AAAS: variants seen among roughly 807,000 people sequenced by gnomAD.
AAAS encodes the protein aladin.
Under a neutral mutation model 75.6 loss-of-function variants are expected in AAAS, and 60 were observed. The observed-to-expected ratio is 0.79, with a 90% CI of 0.64 to 0.98. The LOEUF is 0.98. Ranked by LOEUF, AAAS falls within the 50% of genes least tolerant of loss-of-function variation. The probability of loss-of-function intolerance (pLI) is 0.00; values close to 1 mark genes in which losing one functional copy is unlikely to be tolerated. For missense variants in AAAS, 658 were observed against 686.9 expected, an observed-to-expected ratio of 0.96 and a Z score of 0.47; for synonymous variants, 271 against 265.0, an observed-to-expected ratio of 1.02 and a Z score of -0.22.
intron 2 of AAAS, 100 bp from the exon 3 acceptor site, chr12:53,315,882 C>T: frequency 2.2e-6 from 3 of 1,363,156 alleles, no homozygotes; most frequent in South Asian, 2.5e-5. Context: ...AATATGGGCA[C>T]TCACATTTAA....
intron 2 of AAAS, 50 bp from the exon 3 acceptor site, chr12:53,315,832 C>G: frequency 6.3e-7 from 1 of 1,591,260 alleles, no homozygotes; most frequent in Non-Finnish European, 8.6e-7. Flanking sequence ...CCCTCTGTCC[C>G]TCTCTACCAG....
rs766105926 is a variant in AAAS, at chr12:53,307,661, T to C, written c.1469A>G (p.Gln490Arg). 1 of 1,614,132 alleles carries C rather than the reference T, an allele frequency of 6.2e-7. No individual in the cohort carries two copies. Among genetic ancestry groups the C allele is most frequent in the Non-Finnish European group, 8.5e-7 (1 of 1,180,034 alleles). The change falls in exon 16 of 16, where the codon CAG becomes CGG. Residue 490 changes from glutamine (Q) to arginine (R), a missense_variant. By Grantham distance (43) the Gln-to-Arg change is conservative. Transcript: ENST00000209873. ...AAGCACTGGGCTAAAACGTGGAAAC[T>C]GGGCATTGACAAAGTACAGCGGGAT... The part of the protein sequence containing the change: ...AHIPLYFVNA[Q>R]FPRFSPVLGR...
Position 53,315,078 on chromosome 12 carries a change from G to A in AAAS, c.446+16C>T, listed in dbSNP as rs374795194. ...AGGACTTCCTTTCCACAAAGCTCCAGGGCTTGTGCACTCACCAATTTGTGA... is the reference window on the plus strand; with the variant it reads ...AGGACTTCCTTTCCACAAAGCTCCAAGGCTTGTGCACTCACCAATTTGTGA... On this transcript the variant is annotated intron_variant, in intron 5 of 15. Coordinates refer to ENST00000209873, the MANE Select transcript of AAAS (RefSeq NM_015665.6). The A allele has an allele frequency of 1.8e-5, 29 of 1,613,988 alleles. No individual in the cohort carries two copies. The East Asian group carries it at 4.5e-4, about 25-fold the overall frequency.
chr12:53,308,473 C>T lies in AAAS; in HGVS notation c.1143G>A (p.Leu381=). 1 of 1,614,178 alleles carries T rather than the reference C, an allele frequency of 6.2e-7. No individual in the cohort carries two copies. The highest frequency in any genetic ancestry group is 8.5e-7 in the Non-Finnish European group (1 of 1,180,024). ...GAKSATIVAD[L]SETTIQTPDG... ...CTGGTGTCTGTATTGTTGTCTCAGA[C>T]AGATCTGCCACAATCGTTGCTGACT... Residue 381 remains leucine (L), a synonymous_variant, in exon 12 of 16, where the codon CTG becomes CTA. Transcript: ENST00000209873.
chr12:53,314,328 C>T lies in AAAS; in HGVS notation c.659G>A (p.Trp220Ter). The T allele has an allele frequency of 6.2e-7, 1 of 1,614,098 alleles. No individual in the cohort carries two copies. Among genetic ancestry groups the T allele is most frequent in the Non-Finnish European group, 8.5e-7 (1 of 1,180,014 alleles). ...AVACQSCILI[W>*]TLDPTSLSTR... ...AGACAAGGAGGTAGGGTCCAGGGTCCAGATAAGAATGCAGCTCTGGCAGGC... is the reference window on the plus strand; with the variant it reads ...AGACAAGGAGGTAGGGTCCAGGGTCTAGATAAGAATGCAGCTCTGGCAGGC... Residue 220 changes from tryptophan to a stop codon, truncating the protein, a stop_gained, in exon 7 of 16, where the codon TGG becomes TAG. Coordinates refer to ENST00000209873, the MANE Select transcript of AAAS (RefSeq NM_015665.6). LOFTEE classifies it high-confidence loss of function.
intron 2 of AAAS, among the ~76,000 whole-genome samples, chr12:53,318,056 T>C (rs546801832): frequency 6.6e-6 from 1 of 152,258 alleles, no homozygotes; most frequent in Admixed American, 6.5e-5. Context: ...TGAGACAGGG[T>C]CTTGCTCTGT....
At chr12:53,319,477 C>T (rs1474470030) in intron 2 of AAAS, among the ~76,000 whole-genome samples, 1 of 152,130 alleles carries the variant, frequency 6.6e-6, no homozygotes, top group African/African-American at 2.4e-5. Context: ...GGATTATAGG[C>T]GTGAGTCACT....
intron 2 of AAAS, among the ~76,000 whole-genome samples, chr12:53,319,240 T>C (rs1944514440): frequency 6.6e-6 from 1 of 151,840 alleles, no homozygotes; most frequent in South Asian, 2.1e-4. Context: ...TCAGTGCCAC[T>C]GCACTGGCAC....
At chr12:53,310,593 C>T (rs946713374) in intron 7 of AAAS, among the ~76,000 whole-genome samples, 1 of 151,962 alleles carries the variant, frequency 6.6e-6, no homozygotes, top group Non-Finnish European at 1.5e-5. Flanking sequence ...GCATGTGGCT[C>T]GGCCTCCATC....
chr12:53,316,988 A>T (rs1182855440), intron 2 of AAAS, among the ~76,000 whole-genome samples: 1 of 148,964 alleles, frequency 6.7e-6, no homozygotes, highest in African/African-American at 2.5e-5. Flanking sequence ...GAGGCTGAGG[A>T]AGGAGCATCA....
chr12:53,315,996 C>T (rs1218265572), intron 2 of AAAS, among the ~76,000 whole-genome samples: 1 of 152,208 alleles, frequency 6.6e-6, no homozygotes, highest in African/African-American at 2.4e-5. Context: ...ACAACCAAGG[C>T]TCAGAGGACT....
At chr12:53,320,438 G>T (rs1944534998) in intron 2 of AAAS, 127 bp downstream of exon 2, 1 of 1,307,436 alleles carries the variant, frequency 7.6e-7, no homozygotes, top group South Asian at 1.2e-5. Flanking sequence ...TATGATTTAG[G>T]ATATACAGCT....
chr12:53,320,557 T>C lies in AAAS; in HGVS notation c.251+8A>G. On this transcript the variant is annotated splice_region_variant and intron_variant, in intron 2 of 15. Transcript: ENST00000209873. The stretch of plus-strand genomic sequence containing the variant: ...CTGTGACCCAGGAAACCCTTTGCCA[T>C]GCCTCACCAAATGTTGATGCATCTC... 1 of 1,613,702 alleles carries C rather than the reference T, an allele frequency of 6.2e-7. No individual in the cohort carries two copies. The highest frequency in any genetic ancestry group is 8.5e-7 in the Non-Finnish European group (1 of 1,179,944).
rs1432130090 is a variant in AAAS at position 53,309,605 on chromosome 12, A to C, written c.806T>G (p.Ile269Ser). 1 of 1,613,654 alleles carries C rather than the reference A, an allele frequency of 6.2e-7. No homozygotes were observed. The highest frequency in any genetic ancestry group is 8.5e-7 in the Non-Finnish European group (1 of 1,179,922). The change falls in exon 8 of 16, where the codon ATC becomes AGC. Residue 269 changes from isoleucine to serine, a missense_variant. Ile to Ser is a moderately radical substitution (Grantham distance 142). Coordinates refer to ENST00000209873, the MANE Select transcript of AAAS (RefSeq NM_015665.6). ...LLSASPVDAA[I>S]RVWDVSTETC... ...GAGGGGCAGGGACCCACTCACCCGG[A>C]TAGCAGCATCCACGGGTGAAGCTGA...
At position 53,307,518 on chromosome 12, in the gene AAAS, G is replaced by GA. The variant is rs768091603; in HGVS notation, c.1611dup (p.Leu538SerfsTer?). The GA allele has an allele frequency of 6.2e-7, 1 of 1,614,094 alleles. No homozygotes were observed. The highest frequency in any genetic ancestry group is 2.2e-5 in the East Asian group (1 of 44,886). On this transcript the variant is annotated frameshift_variant, in exon 16 of 16. Coordinates refer to ENST00000209873, the MANE Select transcript of AAAS (RefSeq NM_015665.6). LOFTEE classifies it high-confidence loss of function. ...AGGTGGGAATGTGGGGAGTGGGGCA[G>GA]AACAGGTGGTGGCCCTGGGAGAGGG...
Position 53,309,233 on chromosome 12 carries a change from C to A in AAAS, c.859G>T (p.Gly287Ter). 2 of 1,614,114 alleles carry A rather than the reference C, an allele frequency of 1.2e-6. No homozygotes were observed. The highest frequency in any genetic ancestry group is 1.7e-6 in the Non-Finnish European group (2 of 1,180,012). Residue 287 changes from glycine (G) to a stop codon, truncating the protein, a stop_gained, in exon 9 of 16, where the codon GGA (glycine) becomes TGA (stop). Transcript: ENST00000209873. LOFTEE classifies it high-confidence loss of function. ...CAGAGCAGGTTGGTCACCCCACCTC[C>A]TCGGAACCAGGGAAGGGGGACACAG... ...ETCVPLPWFR[G>*]GGVTNLLWSP... is the part of the protein sequence containing the mutation.
chr12:53,321,307 ATGCC>A (rs1944551017), intron 1 of AAAS, 32 bp downstream of exon 1: 1 of 1,603,052 alleles, frequency 6.2e-7, no homozygotes, highest in Non-Finnish European at 8.5e-7. Context: ...CTCCGCCCCC[ATGCC>A]TGTAGGTCCC....
rs1197751964 is a variant in AAAS, at chr12:53,320,574, A to G, written c.242T>C (p.Ile81Thr). Residue 81 changes from isoleucine (I) to threonine (T), a missense_variant, in exon 2 of 16, where the codon ATC becomes ACC. Physicochemically the swap from Ile to Thr is moderately conservative, Grantham distance 89. Coordinates refer to ENST00000209873, the MANE Select transcript of AAAS (RefSeq NM_015665.6). ...CTTTGCCATGCCTCACCAAATGTTG[A>G]TGCATCTCTTCCACACTTGCTCCCG... ...HHREQVWKRC[I>T]NIWRDVGLFG... 3 of 1,613,970 alleles carry G rather than the reference A, an allele frequency of 1.9e-6. No homozygotes were observed. Among genetic ancestry groups the G allele is most frequent in the Non-Finnish European group, 2.5e-6 (3 of 1,179,994 alleles).
At position 53,321,532 on chromosome 12, in the gene AAAS, G is replaced by C; in HGVS notation, c.-67C>G. On this transcript the variant is annotated 5_prime_UTR_variant, in exon 1 of 16. Transcript: ENST00000209873. ...CCGGAACGGCACAGACCGCACTCCC[G>C]CAACTCGGTTCCCGGGCTAGATTCG... 1.2e-6 allele frequency: 2 copies of C among 1,609,738 alleles called. No individual in the cohort carries two copies. Among genetic ancestry groups the C allele is most frequent in the East Asian group, 2.2e-5 (1 of 44,852 alleles).
Sources: allele counts gnomAD v4.1 joint callset (sites outside exome capture counted in the v4.1 genomes callset), GRCh38; gene constraint gnomAD v4.1.1; transcripts MANE v1.5; gene names NCBI Gene and HGNC (gene_info 2026-07-23, HGNC 2026-07-21).